The following TBC1D5 variants were observed in gnomAD, a reference collection of about 807,000 sequenced individuals.
TBC1D5 encodes the protein TBC1 domain family, member 5.
A neutral mutation model predicts 100.3 loss-of-function variants in TBC1D5; 75 were observed. That is an observed-to-expected ratio of 0.75 (90% CI 0.62 to 0.91). The LOEUF (loss-of-function observed/expected upper bound fraction) is 0.91, where lower values mean the gene tolerates loss of function less well. TBC1D5 is among the 40% of genes least tolerant of loss of function. The pLI, the probability that TBC1D5 is intolerant of heterozygous loss-of-function variation, is 0.00. For synonymous variants in TBC1D5, 323 were observed against 325.6 expected, an observed-to-expected ratio of 0.99 and a Z score of 0.09; for missense variants, 910 against 942.4, an observed-to-expected ratio of 0.97 and a Z score of 0.45.
chr3:17,181,269 A>G (rs1025864702), intron 19 of TBC1D5, among the ~76,000 whole-genome samples: 7 of 152,236 alleles, frequency 4.6e-5, no homozygotes, highest in Non-Finnish European at 7.3e-5. Context: ...GAAATGTGGT[A>G]CTAGTCCAGC....
intron 1 of TBC1D5, among the ~76,000 whole-genome samples, chr3:17,737,879 G>C (rs1046903601): frequency 6.7e-6 from 1 of 149,172 alleles, no homozygotes; most frequent in South Asian, 2.1e-4. Flanking sequence ...TTAAGAAAAA[G>C]AGTAAATCTG....
chr3:17,555,894 T>C (rs567322398), intron 2 of TBC1D5, among the ~76,000 whole-genome samples: 6 of 152,234 alleles, frequency 3.9e-5, no homozygotes, highest in Non-Finnish European at 8.8e-5. Flanking sequence ...ATTCCTGTCA[T>C]GGCCTGAGCA....
chr3:17,238,226 G>T (rs1300803649), exon 17 of TBC1D5: 1 of 1,613,990 alleles, frequency 6.2e-7, no homozygotes, highest in Non-Finnish European at 8.5e-7. Flanking sequence ...TGTTGCTGTT[G>T]CAAGTGATGG....
rs530702353 is a variant in TBC1D5, at chr3:17,207,944, C to T, written c.1752+6263G>A. Among the ~76,000 whole-genome samples, 6 of 152,334 alleles carry T rather than the reference C, an allele frequency of 3.9e-5. No homozygotes were observed. The East Asian group carries it at 9.6e-4, about 24-fold the overall frequency. ...AGTCTTCAAATCTGAAAGGTATCAT[C>T]ATATAGTTTAAGGGACAAGAGACCC... On this transcript the variant is annotated intron_variant, in intron 18 of 21. Coordinates refer to ENST00000253692, the Ensembl canonical transcript of TBC1D5.
Position 17,348,530 on chromosome 3 carries a change from T to A in TBC1D5, c.995+23545A>T, listed in dbSNP as rs532127421. On this transcript the variant is annotated intron_variant, in intron 13 of 21. Transcript: ENST00000253692. ...GCCTTTTAAACAAAACTGGCTATAA[T>A]TATCACTGGCTTTAATTTACCTCTC... 1.6e-3 allele frequency among the ~76,000 whole-genome samples: 247 copies of A among 152,312 alleles called. 2 individuals carry two copies. Among genetic ancestry groups the A allele is most frequent in the African/African-American group, 5.7e-3 (238 of 41,576 alleles).
intron 13 of TBC1D5, among the ~76,000 whole-genome samples, chr3:17,355,727 T>C (rs1026539729): frequency 1.3e-5 from 2 of 152,070 alleles, no homozygotes; most frequent in African/African-American, 4.8e-5. Context: ...GGTTTTTATT[T>C]CCCATAGAGG....
intron 1 of TBC1D5, among the ~76,000 whole-genome samples, chr3:17,651,960 T>A (rs980565584): frequency 6.6e-6 from 1 of 152,272 alleles, no homozygotes; most frequent in South Asian, 2.1e-4. Context: ...CTTCCAGAGC[T>A]TCTGACCACA....
intron 15 of TBC1D5, 92 bp from the exon 16 acceptor site, chr3:17,258,683 G>C (rs1298910101): frequency 5.3e-6 from 5 of 949,312 alleles, no homozygotes; most frequent in Non-Finnish European, 7.9e-6. Flanking sequence ...TATCCCTTCA[G>C]AAAAGAATAT....
chr3:17,375,074 TATTTTC>T (rs1480500683), intron 10 of TBC1D5, among the ~76,000 whole-genome samples: 2 of 149,342 alleles, frequency 1.3e-5, no homozygotes, highest in African/African-American at 5.2e-5. Flanking sequence ...TAACTGGATT[TATTTTC>T]ATTTTATCAG....
chr3:17,408,580 C>T (rs1259582372), intron 4 of TBC1D5, among the ~76,000 whole-genome samples: 1 of 152,206 alleles, frequency 6.6e-6, no homozygotes, highest in South Asian at 2.1e-4. Context: ...CTCAGCCTCC[C>T]AAAGTGCTGG....
chr3:17,673,311 C>CTTTTT (rs374496313), intron 1 of TBC1D5, among the ~76,000 whole-genome samples: 81 of 125,944 alleles, frequency 6.4e-4, no homozygotes, highest in Middle Eastern at 4.0e-3. Context: ...CTTTTCTTTT[C>CTTTTT]TTTTTTTTTT....
chr3:17,432,148 T>G lies in TBC1D5; in HGVS notation c.98-3629A>C, dbSNP rs576729671. Among the ~76,000 whole-genome samples, 350 of 152,244 alleles carry G rather than the reference T, an allele frequency of 2.3e-3. 1 individual carries two copies. The highest frequency in any genetic ancestry group is 4.0e-3 in the Non-Finnish European group (275 of 67,970). Reference sequence around the variant, plus strand: ...GTATTACATAATAAAGAAAAGGTTTTATCTTTGAATCATTAGAGAACTGTC... The same window carrying G: ...GTATTACATAATAAAGAAAAGGTTTGATCTTTGAATCATTAGAGAACTGTC... On this transcript the variant is annotated intron_variant, in intron 3 of 21. Transcript: ENST00000253692.
chr3:17,535,290 A>G (rs542642403), intron 2 of TBC1D5, among the ~76,000 whole-genome samples: 1 of 152,318 alleles, frequency 6.6e-6, no homozygotes, highest in East Asian at 1.9e-4. Context: ...GGTTTATTCA[A>G]GTGTTTCTCC....
intron 2 of TBC1D5, among the ~76,000 whole-genome samples, chr3:17,602,561 A>ATTTTTTTT (rs33956978): frequency 5.4e-5 from 4 of 74,480 alleles, no homozygotes; most frequent in Admixed American, 1.7e-4. Context: ...AGAGAATCAG[A>ATTTTTTTT]TTTTTTTTTT....
At chr3:17,313,133 T>C (rs932541483) in intron 13 of TBC1D5, among the ~76,000 whole-genome samples, 4 of 152,136 alleles carry the variant, frequency 2.6e-5, no homozygotes, top group East Asian at 3.8e-4. Context: ...AATCCTCTTG[T>C]CCATTCCAAC....
At chr3:17,222,580 C>T (rs1576079747) in intron 17 of TBC1D5, among the ~76,000 whole-genome samples, 1 of 152,114 alleles carries the variant, frequency 6.6e-6, no homozygotes, top group East Asian at 1.9e-4. Flanking sequence ...TAAATGTCTT[C>T]CGGCCTTCGG....
At chr3:17,464,195 G>A (rs571220333) in intron 3 of TBC1D5, among the ~76,000 whole-genome samples, 1 of 151,794 alleles carries the variant, frequency 6.6e-6, no homozygotes, top group Non-Finnish European at 1.5e-5. Context: ...GAAGATCTCA[G>A]GTGATCTTCC....
intron 1 of TBC1D5, among the ~76,000 whole-genome samples, chr3:17,624,791 C>T (rs1268045515): frequency 6.6e-6 from 1 of 152,002 alleles, no homozygotes; most frequent in African/African-American, 2.4e-5. Context: ...CAATGAAAGA[C>T]CCTGTTCAAA....
chr3:17,493,333 T>G (rs2095662727), intron 3 of TBC1D5, among the ~76,000 whole-genome samples: 1 of 152,174 alleles, frequency 6.6e-6, no homozygotes, highest in South Asian at 2.1e-4. Context: ...GGTTTCCCTT[T>G]GTAGGTGACC....
Sources: allele counts gnomAD v4.1 joint callset (sites outside exome capture counted in the v4.1 genomes callset), GRCh38; gene constraint gnomAD v4.1.1; transcripts MANE v1.5; gene names NCBI Gene and HGNC (gene_info 2026-07-23, HGNC 2026-07-21).